CRLF3: variants seen among roughly 807,000 people sequenced by gnomAD.
CRLF3 encodes cytokine receptor-like factor 3.
In CRLF3, 33 loss-of-function variants were observed where a neutral mutation model predicts 55.0. The observed-to-expected ratio is 0.60, with a 90% CI of 0.46 to 0.80. CRLF3 has a LOEUF of 0.80. Ranked by LOEUF, CRLF3 falls within the 30% of genes least tolerant of loss-of-function variation. CRLF3 has a pLI of 0.00. For missense variants in CRLF3, 494 were observed against 538.4 expected, an observed-to-expected ratio of 0.92 and a Z score of 0.82; for synonymous variants, 238 against 196.8, an observed-to-expected ratio of 1.21 and a Z score of -1.75.
chr17:30,804,231 T>A (rs963457298), intron 1 of CRLF3, 123 bp from the exon 2 acceptor site: 1 of 662,202 alleles, frequency 1.5e-6, no homozygotes, highest in African/African-American at 1.8e-5. Context: ...AAAAAAAGAT[T>A]AACTGAAATT....
intron 2 of CRLF3, among the ~76,000 whole-genome samples, chr17:30,798,432 C>A (rs9890862): frequency 0.13 from 19,302 of 151,992 alleles, 1,284 homozygotes; most frequent in South Asian, 0.25. Context: ...TGACCAACTT[C>A]TATGTCCTTC....
intron 2 of CRLF3, 52 bp from the exon 3 acceptor site, chr17:30,797,450 T>A: frequency 7.0e-7 from 1 of 1,422,262 alleles, no homozygotes; most frequent in Non-Finnish European, 9.9e-7. Context: ...ACATATAAAG[T>A]AATCAACACA....
In CRLF3 at chr17:30,790,350, C is replaced by T. The variant is rs1226739374; in HGVS notation, c.959+2090G>A. 3.3e-5 allele frequency among the ~76,000 whole-genome samples: 5 copies of T among 152,078 alleles called. No individual in the cohort carries two copies. The East Asian group carries it at 9.6e-4, about 29-fold the overall frequency. On this transcript the variant is annotated intron_variant, in intron 6 of 7. Transcript: ENST00000324238. ...CTAAGTCAAAACTGGTCTTTAGTTT[C>T]TACGAAGAGCTATTCAGAAACATGA...
rs569552272 is a variant in CRLF3 at position 30,796,438 on chromosome 17, C to A, written c.426-101G>T. ...CACATGCTTGAAAGATCCTGAAGCCCCCAGTAATTAATTCTCATGGCAGTA... is the reference window on the plus strand; with the variant it reads ...CACATGCTTGAAAGATCCTGAAGCCACCAGTAATTAATTCTCATGGCAGTA... On this transcript the variant is annotated intron_variant, in intron 3 of 7. Transcript: ENST00000324238. 8.3e-5 allele frequency: 68 copies of A among 820,984 alleles called. No individual in the cohort carries two copies. The African/African-American group carries it at 1.1e-3, about 14-fold the overall frequency. 50.9% of individuals were successfully genotyped at this position (820,984 alleles called of 1,614,324 possible). A position where few individuals can be genotyped will look rare whatever the true frequency, so the allele number is the denominator to read the frequency against.
chr17:30,793,706 A>G, intron 4 of CRLF3, 34 bp from the exon 5 acceptor site: 4 of 1,477,808 alleles, frequency 2.7e-6, no homozygotes, highest in Non-Finnish European at 3.7e-6. Flanking sequence ...GGTAAAAAAC[A>G]GAAAATGACT....
intron 1 of CRLF3, among the ~76,000 whole-genome samples, chr17:30,811,391 T>C (rs879496726): frequency 3.3e-5 from 5 of 149,894 alleles, no homozygotes; most frequent in African/African-American, 7.4e-5. Context: ...GAGGTGGAGG[T>C]TGCAGTGAGC....
intron 6 of CRLF3, 189 bp from the exon 7 acceptor site, chr17:30,786,220 AC>A: frequency 2.1e-6 from 1 of 476,106 alleles, no homozygotes; most frequent in Non-Finnish European, 3.7e-6. Flanking sequence ...TATCATTCTT[AC>A]AACAATCTAT....
At chr17:30,795,950 C>G (rs1971910309) in intron 4 of CRLF3, among the ~76,000 whole-genome samples, 1 of 152,036 alleles carries the variant, frequency 6.6e-6, no homozygotes, top group African/African-American at 2.4e-5. Context: ...GAGCAAAACT[C>G]TGTCTCAAAA....
At chr17:30,809,815 T>A (rs1451135349) in intron 1 of CRLF3, 2 of 152,122 alleles carry the variant, frequency 1.3e-5, no homozygotes, top group African/African-American at 4.8e-5. Flanking sequence ...TACACCCAGC[T>A]ATATTTTGTA....
In CRLF3 at chr17:30,797,417, G is replaced by A; in HGVS notation, c.338-19C>T. The A allele has an allele frequency of 6.3e-7, 1 of 1,584,070 alleles. No homozygotes were observed. Among genetic ancestry groups the A allele is most frequent in the Non-Finnish European group, 8.7e-7 (1 of 1,152,800 alleles). On this transcript the variant is annotated intron_variant, in intron 2 of 7. Coordinates refer to ENST00000324238, the MANE Select transcript of CRLF3 (RefSeq NM_015986.4). ...ATTTCACCTACAATCAAGAATAAGA[G>A]AACTAGAACAATGAAAATGGTCACA... is the stretch of plus-strand genomic sequence containing the variant.
chr17:30,783,130 A>C lies in CRLF3; in HGVS notation c.*1057T>G, dbSNP rs1247949886. 1 of 152,220 alleles carries C rather than the reference A, an allele frequency of 6.6e-6. No homozygotes were observed. The highest frequency in any genetic ancestry group is 1.5e-5 in the Non-Finnish European group (1 of 68,044). 9.4% of individuals were successfully genotyped at this position (152,220 alleles called of 1,614,324 possible). A position where few individuals can be genotyped will look rare whatever the true frequency, so the allele number is the denominator to read the frequency against. ...CAGCTCATTCTCTGCAAAGAGTAAA[A>C]TGCATGTCACAGGCAGATTGGATAC... On this transcript the variant is annotated 3_prime_UTR_variant, in exon 8 of 8. Coordinates refer to ENST00000324238, the MANE Select transcript of CRLF3 (RefSeq NM_015986.4).
chr17:30,808,277 ATTTTTTTTTTTTT>A (rs71138901), intron 1 of CRLF3, among the ~76,000 whole-genome samples: 4 of 54,862 alleles, frequency 7.3e-5, no homozygotes, highest in East Asian at 5.5e-4. Flanking sequence ...TAGAACCTAT[ATTTTTTTTTTTTT>A]TTTTTTTTTT....
chr17:30,799,285 GTTAA>G (rs1325327979), intron 2 of CRLF3, among the ~76,000 whole-genome samples: 3 of 152,054 alleles, frequency 2.0e-5, no homozygotes, highest in Non-Finnish European at 4.4e-5. Context: ...AAATAAATAA[GTTAA>G]TTAATTAAAT....
intron 1 of CRLF3, among the ~76,000 whole-genome samples, chr17:30,821,363 GA>G (rs1904994257): frequency 8.9e-6 from 1 of 112,554 alleles, no homozygotes; most frequent in Admixed American, 9.5e-5. Flanking sequence ...AAGAAAAAAG[GA>G]AAAAAAGTAT....
intron 4 of CRLF3, among the ~76,000 whole-genome samples, chr17:30,795,484 G>A (rs1438745894): frequency 1.5e-4 from 19 of 128,120 alleles, no homozygotes; most frequent in Admixed American, 7.9e-4. Flanking sequence ...CAACAACAAC[G>A]AAACTCTGTC....
Position 30,784,227 on chromosome 17 carries a change from C to G in CRLF3, c.1289G>C (p.Cys430Ser). 3 of 1,613,910 alleles carry G rather than the reference C, an allele frequency of 1.9e-6. No individual in the cohort carries two copies. The highest frequency in any genetic ancestry group is 2.5e-6 in the Non-Finnish European group (3 of 1,179,920). The change falls in exon 8 of 8, where the codon TGC (cysteine) becomes TCC (serine). Residue 430 changes from cysteine (C) to serine (S), a missense_variant. Cys to Ser is a moderately radical substitution (Grantham distance 112, BLOSUM62 -1). Transcript: ENST00000324238. The part of the protein sequence containing the change: ...DQSCGSLYFG[C>S]SFFYPGWKVL... ...TTTCCATCCAGGATAGAAAAATGAG[C>G]ATCCAAAGTAAAGAGAACCACAAGA...
chr17:30,793,823 G>A (rs1203608629), intron 4 of CRLF3, 151 bp from the exon 5 acceptor site: 2 of 609,084 alleles, frequency 3.3e-6, no homozygotes, highest in Admixed American at 3.0e-5. Context: ...TAGAAAATAT[G>A]CCATCACATC....
chr17:30,804,993 G>A (rs1904341967), intron 1 of CRLF3, among the ~76,000 whole-genome samples: 1 of 151,974 alleles, frequency 6.6e-6, no homozygotes, highest in South Asian at 2.1e-4. Context: ...GACCAGCCTG[G>A]CCAACGTAGT....
At chr17:30,790,297 T>C (rs1320797248) in intron 6 of CRLF3, among the ~76,000 whole-genome samples, 1 of 152,190 alleles carries the variant, frequency 6.6e-6, no homozygotes, top group African/African-American at 2.4e-5. Context: ...AAGGTGAGTA[T>C]GGTGAAAATC....
Sources: gnomAD v4.1 joint callset for allele counts (sites outside exome capture counted in the v4.1 genomes callset) on GRCh38, gnomAD v4.1.1 for gene constraint, MANE v1.5 for transcripts, NCBI Gene and HGNC (gene_info 2026-07-23, HGNC 2026-07-21) for gene names.